The following NUB1 variants were observed in gnomAD, a reference collection of about 807,000 sequenced individuals.
NUB1 encodes the protein NEDD8 ultimate buster 1.
NUB1 carries 41 observed loss-of-function variants against 77.1 expected under a neutral mutation model. The observed-to-expected ratio is 0.53, with a 90% CI of 0.41 to 0.69. NUB1 has a LOEUF of 0.69. Ranked by LOEUF, NUB1 falls within the 30% of genes least tolerant of loss-of-function variation. NUB1 has a pLI of 0.00. For synonymous variants in NUB1, 257 were observed against 281.0 expected, an observed-to-expected ratio of 0.91 and a Z score of 0.85; for missense variants, 643 against 743.8, an observed-to-expected ratio of 0.86 and a Z score of 1.58.
intron 8 of NUB1, among the ~76,000 whole-genome samples, chr7:151,366,512 T>C (rs967720756): frequency 2.8e-5 from 3 of 107,390 alleles, no homozygotes; most frequent in African/African-American, 1.1e-4. Context: ...GTGGGATCAA[T>C]GATTCTTAAA....
At chr7:151,341,977 T>C (rs1434857619) in intron 1 of NUB1, 131 bp downstream of exon 1, 3 of 1,308,280 alleles carry the variant, frequency 2.3e-6, no homozygotes, top group East Asian at 3.2e-5. Flanking sequence ...TGAGCAGCCA[T>C]GCGTGGAGCT....
chr7:151,373,239 G>A (rs1798042145), intron 11 of NUB1, among the ~76,000 whole-genome samples: 1 of 152,208 alleles, frequency 6.6e-6, no homozygotes, highest in Non-Finnish European at 1.5e-5. Context: ...TAACTTTGTT[G>A]AAAGCTTTCT....
rs1796220814 is a variant in NUB1, at chr7:151,341,898, TG to T, written c.-3+54del. The T allele has an allele frequency of 2.8e-6, 4 of 1,443,354 alleles. No homozygotes were observed. The South Asian group carries it at 4.1e-5, about 15-fold the overall frequency. The allele number at this position is 1,443,354 out of a possible 1,614,324, so 89.4% of individuals were successfully genotyped here. On this transcript the variant is annotated intron_variant, in intron 1 of 14. Transcript: ENST00000568733. ...CGACCCCAGCCTCAGCAGCACTGCTTGGCGCCCCGGTTCCCGGTCCGACTGG... is the reference window on the plus strand; with the variant it reads ...CGACCCCAGCCTCAGCAGCACTGCTTGCGCCCCGGTTCCCGGTCCGACTGG...
chr7:151,374,360 C>T (rs1047116433), intron 12 of NUB1, 117 bp downstream of exon 12: 10 of 1,321,864 alleles, frequency 7.6e-6, no homozygotes, highest in African/African-American at 4.4e-5. Context: ...CCCCGTCATC[C>T]GGATCTGAAG....
Position 151,352,120 on chromosome 7 carries a change from G to A in NUB1, c.344+638G>A, listed in dbSNP as rs777734039. 109 of 456,636 alleles carry A rather than the reference G, an allele frequency of 2.4e-4. 1 individual carries two copies. Among genetic ancestry groups the A allele is most frequent in the Middle Eastern group, 2.3e-3 (7 of 3,076 alleles). 28.3% of individuals were successfully genotyped at this position (456,636 alleles called of 1,614,324 possible). A position where few individuals can be genotyped will look rare whatever the true frequency, so the allele number is the denominator to read the frequency against. On this transcript the variant is annotated intron_variant, in intron 4 of 14. Transcript: ENST00000568733. ...CTGTCAGGGGTGGATTCAGGAAGTG[G>A]CATGCAACACACATGCGTAGAAGAC... is the stretch of plus-strand genomic sequence containing the variant.
At chr7:151,374,012 T>C in intron 11 of NUB1, 85 bp from the exon 12 acceptor site, 1 of 1,421,584 alleles carries the variant, frequency 7.0e-7, no homozygotes, top group Non-Finnish European at 9.4e-7. Context: ...TGCCTGGAAA[T>C]GCGGAGAATC....
At chr7:151,348,718 G>A (rs1274703363) in intron 2 of NUB1, among the ~76,000 whole-genome samples, 1 of 151,720 alleles carries the variant, frequency 6.6e-6, no homozygotes, top group Non-Finnish European at 1.5e-5. Context: ...TGGGCCTACA[G>A]GCACACGCCA....
At chr7:151,349,032 T>C in intron 2 of NUB1, 41 bp from the exon 3 acceptor site, 3 of 1,576,978 alleles carry the variant, frequency 1.9e-6, no homozygotes, top group Non-Finnish European at 2.6e-6. Context: ...TTGCCTTTTT[T>C]TTTTTAAGTC....
rs978609901 is a variant in NUB1 at position 151,377,092 on chromosome 7, T to C, written c.1715T>C (p.Val572Ala). The change falls in exon 15 of 15, where the codon GTC (valine) becomes GCC (alanine). Residue 572 changes from valine to alanine, a missense_variant. By Grantham distance (64) the Val-to-Ala change is moderately conservative. Coordinates refer to ENST00000568733, the MANE Select transcript of NUB1 (RefSeq NM_001243351.2). ...GACGAAGACATGGAGACAGAGGCCG[T>C]CAATGAGATACTGGAAGACATTCCA... ...STDEDMETEA[V>A]NEILEDIPEH... is the part of the protein sequence containing the mutation. 1.9e-6 allele frequency: 3 copies of C among 1,580,268 alleles called. No homozygotes were observed. Among genetic ancestry groups the C allele is most frequent in the African/African-American group, 2.7e-5 (2 of 73,978 alleles).
At chr7:151,369,938 C>T (rs899682906) in intron 11 of NUB1, among the ~76,000 whole-genome samples, 6 of 152,134 alleles carry the variant, frequency 3.9e-5, no homozygotes, top group African/African-American at 9.7e-5. Context: ...GGAGTGGATT[C>T]GTGGGTTCAT....
chr7:151,363,629 C>G (rs1367768391), intron 8 of NUB1, among the ~76,000 whole-genome samples: 1 of 151,936 alleles, frequency 6.6e-6, no homozygotes, highest in East Asian at 1.9e-4. Context: ...CCCCCAGATG[C>G]AATGACTTTA....
In NUB1 at chr7:151,375,752, C is replaced by T. The variant is rs531714783; in HGVS notation, c.1396-96C>T. The T allele has an allele frequency of 1.2e-4, 94 of 796,694 alleles. 1 individual carries two copies. Among genetic ancestry groups the T allele is most frequent in the African/African-American group, 9.3e-4 (55 of 59,150 alleles). The allele number at this position is 796,694 out of a possible 1,614,324, so 49.4% of individuals were successfully genotyped here. Reference sequence around the variant, plus strand: ...TTCTCTGCCTCATAGCAGCAGAGGACGGCGGGGTCTGCCTAGCACATGGCA... The same window carrying T: ...TTCTCTGCCTCATAGCAGCAGAGGATGGCGGGGTCTGCCTAGCACATGGCA... On this transcript the variant is annotated intron_variant, in intron 12 of 14. Coordinates refer to ENST00000568733, the MANE Select transcript of NUB1 (RefSeq NM_001243351.2).
At chr7:151,349,922 G>A (rs1204475387) in intron 3 of NUB1, among the ~76,000 whole-genome samples, 1 of 152,228 alleles carries the variant, frequency 6.6e-6, no homozygotes, top group Non-Finnish European at 1.5e-5. Context: ...AACCGGTAGT[G>A]GCCCCGAATG....
intron 11 of NUB1, among the ~76,000 whole-genome samples, chr7:151,373,646 C>T (rs1376953140): frequency 1.3e-5 from 2 of 152,242 alleles, no homozygotes; most frequent in Admixed American, 1.3e-4. Flanking sequence ...GATTCCACAT[C>T]ACATTTTAAC....
chr7:151,359,450 A>G (rs896769735), intron 7 of NUB1, among the ~76,000 whole-genome samples: 3 of 146,916 alleles, frequency 2.0e-5, no homozygotes, highest in Non-Finnish European at 4.5e-5. Flanking sequence ...CTCAAAAAAA[A>G]AAAAAGAATA....
chr7:151,354,322 CTTT>C (rs758140717), intron 5 of NUB1, among the ~76,000 whole-genome samples: 2 of 127,158 alleles, frequency 1.6e-5, no homozygotes, highest in Non-Finnish European at 3.4e-5. Flanking sequence ...CCCACCCTTG[CTTT>C]TTTTTTTTTT....
At chr7:151,368,578 G>T (rs1367192447) in intron 10 of NUB1, among the ~76,000 whole-genome samples, 157 bp from the exon 11 acceptor site, 1 of 152,216 alleles carries the variant, frequency 6.6e-6, no homozygotes. Flanking sequence ...GTTTCCATTT[G>T]TACTTGTTAA....
chr7:151,375,478 A>G (rs1016614588), intron 12 of NUB1, among the ~76,000 whole-genome samples: 2 of 152,210 alleles, frequency 1.3e-5, no homozygotes, highest in Admixed American at 1.3e-4. Flanking sequence ...TACCTGCCTG[A>G]CATTTTAAGT....
In NUB1 at chr7:151,355,933, A is replaced by G; in HGVS notation, c.581A>G (p.Glu194Gly). The G allele has an allele frequency of 6.2e-7, 1 of 1,613,930 alleles. No homozygotes were observed. Among genetic ancestry groups the G allele is most frequent in the South Asian group, 1.1e-5 (1 of 91,072 alleles). Residue 194 changes from glutamate (E) to glycine (G), a missense_variant, in exon 6 of 15, where the codon GAA becomes GGA. Transcript: ENST00000568733. ...KQIQRTKRGL[E>G]ILAKRAAETV... is the part of the protein sequence containing the mutation. The stretch of plus-strand genomic sequence containing the variant: ...ATTCAGAGGACCAAGAGAGGACTAG[A>G]AATACTGGCAAAGAGAGGTACCCAG...
Sources: allele counts gnomAD v4.1 joint callset (sites outside exome capture counted in the v4.1 genomes callset), GRCh38; gene constraint gnomAD v4.1.1; transcripts MANE v1.5; gene names NCBI Gene and HGNC (gene_info 2026-07-23, HGNC 2026-07-21).